The following ZNF560 variants were observed in gnomAD, a reference collection of about 807,000 sequenced individuals.
ZNF560 encodes the protein zinc finger protein 560.
ZNF560 carries 54 observed loss-of-function variants against 81.8 expected under a neutral mutation model. The ratio of observed to expected loss-of-function variants is 0.66; its 90% CI spans 0.53 to 0.83. The LOEUF (loss-of-function observed/expected upper bound fraction) is 0.83, where lower values mean the gene tolerates loss of function less well. Among genes scored for constraint, ZNF560 ranks in the 40% least tolerant of loss-of-function variants. ZNF560 has a pLI of 0.00. For synonymous variants in ZNF560, 321 were observed against 317.9 expected, an observed-to-expected ratio of 1.01 and a Z score of -0.10; for missense variants, 940 against 932.4, an observed-to-expected ratio of 1.01 and a Z score of -0.11.
upstream of ZNF560, among the ~76,000 whole-genome samples, chr19:9,501,813 A>G (rs2073635770): frequency 6.6e-6 from 1 of 151,344 alleles, no homozygotes; most frequent in African/African-American, 2.4e-5. Context: ...GATATTTTTT[A>G]TCTGGCTTCA....
In ZNF560 at chr19:9,482,835, G is replaced by GT. The variant is rs2073313863; in HGVS notation, c.-56-7467dup. ...GCGCCACCATGCCTGACTGGTTTTCGTATTTTTTTGGTGGAGACGGGGTTT... is the reference window on the plus strand; with the variant it reads ...GCGCCACCATGCCTGACTGGTTTTCGTTATTTTTTTGGTGGAGACGGGGTTT... On this transcript the variant is annotated intron_variant, in intron 2 of 9. Coordinates refer to ENST00000301480, the MANE Select transcript of ZNF560 (RefSeq NM_152476.3). Among the ~76,000 whole-genome samples, 5 of 152,226 alleles carry GT rather than the reference G, an allele frequency of 3.3e-5. 1 individual carries two copies. The South Asian group carries it at 1.0e-3, about 32-fold the overall frequency.
At chr19:9,465,392 C>G (rs1017753653), downstream of ZNF560, among the ~76,000 whole-genome samples, 2 of 152,184 alleles carry the variant, frequency 1.3e-5, no homozygotes, top group African/African-American at 4.8e-5. Context: ...CCTGCCTCAG[C>G]CTTCCAAAGT....
the ZNF560 span, among the ~76,000 whole-genome samples, chr19:9,449,999 CAACTG>C: frequency 1.1e-5 from 1 of 90,746 alleles, no homozygotes; most frequent in South Asian, 3.8e-4. Context: ...AAAAAAAAAA[CAACTG>C]AAAAAAGGCC....
chr19:9,503,713 A>G, the ZNF560 span, among the ~76,000 whole-genome samples: 1 of 151,954 alleles, frequency 6.6e-6, no homozygotes, highest in South Asian at 2.1e-4. Context: ...TTTTTAGAAA[A>G]TTTTTTGTAG....
chr19:9,491,329 C>T (rs2144725392), intron 2 of ZNF560, among the ~76,000 whole-genome samples: 1 of 152,084 alleles, frequency 6.6e-6, no homozygotes, highest in African/African-American at 2.4e-5. Flanking sequence ...ACTATGTTGG[C>T]CAGGCTGGTC....
the ZNF560 span, among the ~76,000 whole-genome samples, chr19:9,459,796 T>C: frequency 3.9e-5 from 6 of 152,242 alleles, no homozygotes; most frequent in Middle Eastern, 3.4e-3. Context: ...ATACAATCAA[T>C]TTATGAGCCA....
chr19:9,449,996 A>AAAC, the ZNF560 span, among the ~76,000 whole-genome samples: 40,008 of 109,924 alleles, frequency 0.36, 8,296 homozygotes, highest in Non-Finnish European at 0.42. Flanking sequence ...AAAAAAAAAA[A>AAAC]AACAACTGAA....
chr19:9,458,774 A>G, the ZNF560 span, among the ~76,000 whole-genome samples: 6 of 152,268 alleles, frequency 3.9e-5, no homozygotes, highest in East Asian at 1.2e-3. Flanking sequence ...TCAGACACAG[A>G]TACAGCATTA....
intron 2 of ZNF560, among the ~76,000 whole-genome samples, chr19:9,481,626 C>T (rs1014444089): frequency 2.3e-4 from 35 of 152,318 alleles, no homozygotes; most frequent in Middle Eastern, 6.8e-3. Flanking sequence ...CATGAACAGA[C>T]ACTTTTCAAA....
chr19:9,448,406 T>TTTTTC, the ZNF560 span, among the ~76,000 whole-genome samples: 1 of 146,872 alleles, frequency 6.8e-6, no homozygotes, highest in African/African-American at 2.5e-5. Flanking sequence ...TTTTTTTTTT[T>TTTTTC]TTTTTTTTTA....
chr19:9,468,893 C>A (rs1206669631), intron 9 of ZNF560, among the ~76,000 whole-genome samples: 1 of 152,010 alleles, frequency 6.6e-6, no homozygotes, highest in Admixed American at 6.6e-5. Flanking sequence ...CTATGCCCAG[C>A]TAATTTTTGT....
chr19:9,499,299 C>A (rs1260836004), upstream of ZNF560, among the ~76,000 whole-genome samples: 1 of 152,042 alleles, frequency 6.6e-6, no homozygotes, highest in African/African-American at 2.4e-5. Context: ...CTCAGCCTCC[C>A]GAGTAGCTGG....
upstream of ZNF560, among the ~76,000 whole-genome samples, chr19:9,500,245 C>T (rs1467306118): frequency 1.3e-5 from 2 of 151,730 alleles, no homozygotes; most frequent in East Asian, 2.0e-4. Context: ...ATTAGCCAGG[C>T]GTGGTGGTTG....
chr19:9,501,321 G>A (rs974157633), upstream of ZNF560, among the ~76,000 whole-genome samples: 1 of 128,990 alleles, frequency 7.8e-6, no homozygotes, highest in Non-Finnish European at 1.6e-5. Context: ...ACCATGCCTG[G>A]CTACTTTGTG....
chr19:9,473,179 C>G lies in ZNF560; in HGVS notation c.238G>C (p.Asp80His). ...AAGGTTGTTCTTCACAAATACTCAC[C>G]TTGGAGAACTCCTTGCTGCAAGGTT... ...LRTLQQGVLQ[D>H]WAIKHQTSVS... The change falls in exon 5 of 10, where the codon GAC becomes CAC. Residue 80 changes from aspartate to histidine, a missense_variant and splice_region_variant. Asp to His is a moderately conservative substitution (Grantham distance 81). Coordinates refer to ENST00000301480, the MANE Select transcript of ZNF560 (RefSeq NM_152476.3). The G allele has an allele frequency of 6.2e-7, 1 of 1,613,608 alleles. No homozygotes were observed. Among genetic ancestry groups the G allele is most frequent in the African/African-American group, 1.3e-5 (1 of 75,038 alleles).
upstream of ZNF560, among the ~76,000 whole-genome samples, chr19:9,503,317 T>G (rs2073646456): frequency 6.6e-6 from 1 of 152,162 alleles, no homozygotes; most frequent in African/African-American, 2.4e-5. Flanking sequence ...CTCTACATGT[T>G]TTCTTTTGTA....
chr19:9,490,188 C>A (rs1451642332), intron 2 of ZNF560, among the ~76,000 whole-genome samples: 1 of 152,204 alleles, frequency 6.6e-6, no homozygotes, highest in Non-Finnish European at 1.5e-5. Flanking sequence ...ACCCTCTTCA[C>A]AAAGGCATTC....
chr19:9,473,121 C>T (rs2073147770), intron 5 of ZNF560, 58 bp downstream of exon 5: 1 of 1,358,924 alleles, frequency 7.4e-7, no homozygotes, highest in Admixed American at 1.7e-5. Context: ...CAGACTAACA[C>T]AGCTTCTAAA....
Position 9,467,066 on chromosome 19 carries a change from G to C in ZNF560, c.1881C>G (p.Pro627=), listed in dbSNP as rs771316051. ...CTTTCCCACAGTCCTTATATTCATA[G>C]GGCTTATCTCCAGTGTGTCTTCGTA... ...KHLRRHTGDK[P]YEYKDCGKAF... The change falls in exon 10 of 10, where the codon CCC becomes CCG. Residue 627 remains proline (P), a synonymous_variant. Coordinates refer to ENST00000301480, the MANE Select transcript of ZNF560 (RefSeq NM_152476.3). The C allele has an allele frequency of 6.2e-7, 1 of 1,613,948 alleles. No homozygotes were observed. The highest frequency in any genetic ancestry group is 8.5e-7 in the Non-Finnish European group (1 of 1,180,002).
Sources: gnomAD v4.1 joint callset for allele counts (sites outside exome capture counted in the v4.1 genomes callset) on GRCh38, gnomAD v4.1.1 for gene constraint, MANE v1.5 for transcripts, NCBI Gene and HGNC (gene_info 2026-07-23, HGNC 2026-07-21) for gene names.